The following TEF variants were observed in gnomAD, a reference collection of about 807,000 sequenced individuals.
The protein encoded by TEF is thyrotroph embryonic factor.
Under a neutral mutation model 20.8 loss-of-function variants are expected in TEF, and 3 were observed. The observed-to-expected ratio is 0.14, with a 90% CI of 0.07 to 0.37. TEF has a LOEUF of 0.37. Among genes scored for constraint, TEF ranks in the 10% least tolerant of loss-of-function variants. The probability of loss-of-function intolerance (pLI) is 1.00; values close to 1 mark genes in which losing one functional copy is unlikely to be tolerated. For missense variants in TEF, 296 were observed against 397.9 expected (o/e 0.74, Z 2.18); for synonymous variants, 180 against 171.1 (o/e 1.05, Z -0.41).
intron 2 of TEF, among the ~76,000 whole-genome samples, chr22:41,391,053 C>T (rs983540846): frequency 4.6e-5 from 7 of 152,150 alleles, no homozygotes; most frequent in Non-Finnish European, 4.4e-5. Flanking sequence ...TTGGCATGCC[C>T]GAAACTGCCT....
chr22:41,384,293 C>T (rs1003588160), intron 1 of TEF, among the ~76,000 whole-genome samples: 3 of 152,160 alleles, frequency 2.0e-5, no homozygotes, highest in Non-Finnish European at 2.9e-5. Context: ...ACTTTGATTT[C>T]CTTCCAACCT....
chr22:41,390,773 G>A (rs776207912), intron 2 of TEF, among the ~76,000 whole-genome samples: 30 of 144,098 alleles, frequency 2.1e-4, no homozygotes, highest in Non-Finnish European at 4.0e-4. Context: ...GATTACAGGC[G>A]TGAGCCACTG....
At chr22:41,385,302 G>T (rs1164333145) in intron 1 of TEF, among the ~76,000 whole-genome samples, 1 of 152,102 alleles carries the variant, frequency 6.6e-6, no homozygotes, top group Non-Finnish European at 1.5e-5. Context: ...GAAGGTTGTG[G>T]TGAGCTGAGA....
rs1351610067 is a variant in TEF, at chr22:41,396,718, G to A, written c.*758G>A. 1 of 386,488 alleles carries A rather than the reference G, an allele frequency of 2.6e-6. No individual in the cohort carries two copies. The highest frequency in any genetic ancestry group is 1.4e-4 in the South Asian group (1 of 6,950). 23.9% of individuals were successfully genotyped at this position (386,488 alleles called of 1,614,324 possible). On this transcript the variant is annotated 3_prime_UTR_variant, in exon 4 of 4. Coordinates refer to ENST00000266304, the MANE Select transcript of TEF (RefSeq NM_003216.4). ...TGAGCCATGAGTGCCAGGGCTGAGA[G>A]AGGCCTCTTCATTTCCTCTCCAGGC...
At chr22:41,381,307 T>TCCCGC (rs1229986065), upstream of TEF, among the ~76,000 whole-genome samples, 4 of 102,574 alleles carry the variant, frequency 3.9e-5, no homozygotes, top group East Asian at 2.9e-4. Context: ...TCCCTTCCCC[T>TCCCGC]CCCGCCCCGC....
intron 1 of TEF, chr22:41,369,162 C>T (rs2036852533): frequency 1.0e-6 from 1 of 985,284 alleles, no homozygotes; most frequent in Admixed American, 6.1e-5. Context: ...GGCACTGCTC[C>T]TCAGATGAGG....
chr22:41,375,481 T>C (rs1159486250), intron 1 of TEF, among the ~76,000 whole-genome samples: 3 of 152,198 alleles, frequency 2.0e-5, no homozygotes, highest in Admixed American at 6.5e-5. Context: ...CCGGGCGTGG[T>C]GGCACACGCC....
rs572184190 is a variant in TEF, at chr22:41,393,844, C to A, written c.476-252C>A. The stretch of plus-strand genomic sequence containing the variant: ...GAGGGGGTGGAAACAATTGGAAAAC[C>A]CTGTCTTTTTCTAGGGCTTCTGTTT... On this transcript the variant is annotated intron_variant, in intron 2 of 3. Transcript: ENST00000266304. Among the ~76,000 whole-genome samples the A allele has an allele frequency of 3.9e-5, 6 of 151,946 alleles. No homozygotes were observed. The East Asian group carries it at 1.2e-3, about 29-fold the overall frequency.
chr22:41,392,969 A>G (rs561802866), intron 2 of TEF, among the ~76,000 whole-genome samples: 32 of 151,972 alleles, frequency 2.1e-4, no homozygotes, highest in African/African-American at 7.2e-4. Context: ...CGGGAAGTGG[A>G]GGCTGCAGTG....
At position 41,395,811 on chromosome 22, in the gene TEF, C is replaced by G; in HGVS notation, c.763C>G (p.Arg255Gly). ...AGCTAAACGGTCACGGGATGCCCGG[C>G]GCCTGAAAGAGAATCAGATCACCAT... ...VAAKRSRDARRLKENQITIRA... is the reference protein window; with the variant it reads ...VAAKRSRDARGLKENQITIRA... Residue 255 changes from arginine (R) to glycine (G), a missense_variant, in exon 4 of 4, where the codon CGC becomes GGC. By Grantham distance (125) the Arg-to-Gly change is moderately radical. Transcript: ENST00000266304. The G allele has an allele frequency of 6.2e-7, 1 of 1,614,168 alleles. No individual in the cohort carries two copies. Among genetic ancestry groups the G allele is most frequent in the Non-Finnish European group, 8.5e-7 (1 of 1,180,022 alleles).
At chr22:41,369,181 G>A (rs2036852606) in intron 1 of TEF, 2 of 985,238 alleles carry the variant, frequency 2.0e-6, no homozygotes, top group African/African-American at 1.7e-5. Context: ...GGATAACAAG[G>A]CCTTTGAAGT....
chr22:41,396,330 A>G lies in TEF; in HGVS notation c.*370A>G, dbSNP rs1015464065. 6 of 222,036 alleles carry G rather than the reference A, an allele frequency of 2.7e-5. No individual in the cohort carries two copies. Among genetic ancestry groups the G allele is most frequent in the East Asian group, 1.0e-4 (1 of 10,002 alleles). 13.8% of individuals were successfully genotyped at this position (222,036 alleles called of 1,614,324 possible). A position where few individuals can be genotyped will look rare whatever the true frequency, so the allele number is the denominator to read the frequency against. On this transcript the variant is annotated 3_prime_UTR_variant, in exon 4 of 4. Transcript: ENST00000266304. ...TCTCCAGCCTGGGCTGCCGAGGGCT[A>G]TCTCTGCAGAATGAGTTGTGATCAT...
In TEF at chr22:41,382,843, G is replaced by A. The variant is rs974312555; in HGVS notation, c.157+642G>A. On this transcript the variant is annotated intron_variant, in intron 1 of 3. Transcript: ENST00000266304. ...GGAGGGGAGTTTTGGGCCAAGCAGA[G>A]AAACGATGAGGGTCAGATGAGTCCA... The A allele has an allele frequency of 2.3e-4, 106 of 468,018 alleles. 1 individual carries two copies. Among genetic ancestry groups the A allele is most frequent in the South Asian group, 1.2e-3 (75 of 64,522 alleles). 29.0% of individuals were successfully genotyped at this position (468,018 alleles called of 1,614,324 possible). A position where few individuals can be genotyped will look rare whatever the true frequency, so the allele number is the denominator to read the frequency against.
chr22:41,390,495 CTTTTTTTT>C (rs11358311), intron 2 of TEF, among the ~76,000 whole-genome samples: 4 of 80,362 alleles, frequency 5.0e-5, no homozygotes, highest in Admixed American at 1.8e-4. Context: ...TCATTGTCAT[CTTTTTTTT>C]TTTTTTTTTT....
At chr22:41,379,639 T>A (rs1292230351), upstream of TEF, among the ~76,000 whole-genome samples, 10 of 151,764 alleles carry the variant, frequency 6.6e-5, no homozygotes, top group Non-Finnish European at 1.0e-4. Flanking sequence ...CCGAGGCGGG[T>A]GGATCACCGG....
At position 41,382,012 on chromosome 22, in the gene TEF, G is replaced by C. The variant is rs2037032791; in HGVS notation, c.-33G>C. 5.7e-6 allele frequency: 7 copies of C among 1,230,046 alleles called. No homozygotes were observed. The East Asian group carries it at 1.9e-4, about 33-fold the overall frequency. 76.2% of individuals were successfully genotyped at this position (1,230,046 alleles called of 1,614,324 possible). On this transcript the variant is annotated 5_prime_UTR_variant, in exon 1 of 4. Transcript: ENST00000266304. Reference sequence around the variant, plus strand: ...GGCCCATCTCGGGGGGCGGGCGGGGGAGGCGAGGTGCGCGAGCCGAGTCCG... The same window carrying C: ...GGCCCATCTCGGGGGGCGGGCGGGGCAGGCGAGGTGCGCGAGCCGAGTCCG...
chr22:41,368,365 G>A (rs1037115927), intron 1 of TEF, among the ~76,000 whole-genome samples: 6 of 152,136 alleles, frequency 3.9e-5, no homozygotes, highest in African/African-American at 1.4e-4. Flanking sequence ...GGCTTTTGCT[G>A]CCTGAGTCTG....
At position 41,384,025 on chromosome 22, in the gene TEF, T is replaced by C. The variant is rs1440644110; in HGVS notation, c.157+1824T>C. 2.0e-5 allele frequency among the ~76,000 whole-genome samples: 3 copies of C among 152,220 alleles called. No homozygotes were observed. The South Asian group carries it at 6.2e-4, about 32-fold the overall frequency. ...AGTTGCAGGAATTCAGATTAATTTGTATTAGAAAGCCATGACCAAGTTGTT... is the reference window on the plus strand; with the variant it reads ...AGTTGCAGGAATTCAGATTAATTTGCATTAGAAAGCCATGACCAAGTTGTT... On this transcript the variant is annotated intron_variant, in intron 1 of 3. Coordinates refer to ENST00000266304, the MANE Select transcript of TEF (RefSeq NM_003216.4).
chr22:41,380,526 C>G (rs148270487), upstream of TEF, among the ~76,000 whole-genome samples: 2 of 152,162 alleles, frequency 1.3e-5, no homozygotes, highest in South Asian at 2.1e-4. Flanking sequence ...TGCATCTACC[C>G]CCTGAACCAA....
Sources: gnomAD v4.1 joint callset for allele counts (sites outside exome capture counted in the v4.1 genomes callset) on GRCh38, gnomAD v4.1.1 for gene constraint, MANE v1.5 for transcripts, NCBI Gene and HGNC (gene_info 2026-07-23, HGNC 2026-07-21) for gene names.